UBTD1: variants seen among roughly 807,000 people sequenced by gnomAD.
UBTD1 encodes ubiquitin domain containing 1.
In UBTD1, 19 loss-of-function variants were observed where a neutral mutation model predicts 21.7. The observed-to-expected ratio is 0.87, with a 90% CI of 0.61 to 1.28. The LOEUF is 1.28. UBTD1 is among the 50% of genes most tolerant of loss of function. The pLI is 0.00. For missense variants in UBTD1, 282 were observed against 315.1 expected (o/e 0.89, Z 0.80); for synonymous variants, 116 against 135.1 (o/e 0.86, Z 0.98).
chr10:97,521,689 T>A (rs2040467496), intron 1 of UBTD1, among the ~76,000 whole-genome samples: 1 of 152,184 alleles, frequency 6.6e-6, no homozygotes, highest in African/African-American at 2.4e-5. Context: ...GGGTCCCTGA[T>A]CTCCCTGAAG....
chr10:97,518,317 C>G (rs991352525), intron 1 of UBTD1, among the ~76,000 whole-genome samples: 1 of 152,198 alleles, frequency 6.6e-6, no homozygotes, highest in Non-Finnish European at 1.5e-5. Context: ...CCATCCAGGA[C>G]TGCCTGGCAG....
intron 1 of UBTD1, among the ~76,000 whole-genome samples, chr10:97,539,197 AG>A (rs145867274): frequency 0.032 from 4,943 of 152,156 alleles, 256 homozygotes; most frequent in African/African-American, 0.11. Context: ...GGGTTTCTGG[AG>A]GTGTCAGGAG....
In UBTD1 at chr10:97,570,623, T is replaced by G; in HGVS notation, c.*100T>G. ...GTCATTTTCTTCAGGGGCCCTCCCC[T>G]CGGTGTGGCTGGTGGGTGAGCCGTG... On this transcript the variant is annotated 3_prime_UTR_variant, in exon 3 of 3. Transcript: ENST00000370664. The surrounding 1 kb of genome is among the most constrained non-coding windows in gnomAD (Gnocchi z 6.6). The G allele has an allele frequency of 7.0e-7, 1 of 1,420,650 alleles. No individual in the cohort carries two copies. The highest frequency in any genetic ancestry group is 1.4e-5 in the South Asian group (1 of 73,736). 88.0% of individuals were successfully genotyped at this position (1,420,650 alleles called of 1,614,324 possible). A position where few individuals can be genotyped will look rare whatever the true frequency, so the allele number is the denominator to read the frequency against.
chr10:97,509,021 C>CAG (rs2040410456), intron 1 of UBTD1, among the ~76,000 whole-genome samples: 1 of 152,336 alleles, frequency 6.6e-6, no homozygotes, highest in East Asian at 1.9e-4. Flanking sequence ...AAAAGAGGCA[C>CAG]AGAGAGTCAT....
At chr10:97,534,355 A>G (rs968291006) in intron 1 of UBTD1, among the ~76,000 whole-genome samples, 12 of 152,202 alleles carry the variant, frequency 7.9e-5, no homozygotes, top group Admixed American at 2.0e-4. Context: ...TTGTGGTACA[A>G]TTCGCACAAA....
intron 1 of UBTD1, among the ~76,000 whole-genome samples, chr10:97,528,380 C>T (rs1324011240): frequency 5.4e-5 from 5 of 92,930 alleles, no homozygotes; most frequent in Admixed American, 9.7e-5. Context: ...CCGGACAGGG[C>T]GGCTGGCCGG....
At chr10:97,512,323 A>G (rs938967841) in intron 1 of UBTD1, among the ~76,000 whole-genome samples, 5 of 152,180 alleles carry the variant, frequency 3.3e-5, no homozygotes, top group Non-Finnish European at 7.3e-5. Context: ...TTTACACCCC[A>G]GGCTGACTCC....
At chr10:97,564,401 C>A (rs148669874) in intron 1 of UBTD1, among the ~76,000 whole-genome samples, 2 of 152,142 alleles carry the variant, frequency 1.3e-5, no homozygotes, top group Non-Finnish European at 2.9e-5. Context: ...TTACAGAATC[C>A]CGTTCCCTTT....
chr10:97,532,888 C>T (rs1368890561), intron 1 of UBTD1, among the ~76,000 whole-genome samples: 1 of 152,152 alleles, frequency 6.6e-6, no homozygotes. Context: ...CTCTTATTTC[C>T]GGTGTGTCTC....
chr10:97,505,039 C>T (rs1184156538), intron 1 of UBTD1, among the ~76,000 whole-genome samples: 5 of 152,086 alleles, frequency 3.3e-5, no homozygotes, highest in Non-Finnish European at 5.9e-5. Context: ...TCAGAGTGGA[C>T]CCCCCTCTTC....
intron 1 of UBTD1, among the ~76,000 whole-genome samples, chr10:97,523,483 T>A (rs1328264177): frequency 1.3e-5 from 2 of 152,064 alleles, no homozygotes; most frequent in Non-Finnish European, 2.9e-5. Context: ...ATGAGAATCC[T>A]CTTCTGCTTG....
intron 1 of UBTD1, among the ~76,000 whole-genome samples, chr10:97,525,611 C>T (rs2040485021): frequency 6.6e-6 from 1 of 152,172 alleles, no homozygotes; most frequent in Non-Finnish European, 1.5e-5. Flanking sequence ...GCTCACTTCT[C>T]CCTCCACTGG....
At position 97,570,233 on chromosome 10, in the gene UBTD1, G is replaced by A; in HGVS notation, c.394G>A (p.Glu132Lys). 1 of 1,613,190 alleles carries A rather than the reference G, an allele frequency of 6.2e-7. No homozygotes were observed. The highest frequency in any genetic ancestry group is 8.5e-7 in the Non-Finnish European group (1 of 1,179,980). Residue 132 changes from glutamate to lysine, a missense_variant, in exon 3 of 3, where the codon GAG becomes AAG. Transcript: ENST00000370664. This position sits in a 1 kb window ranked among gnomAD's most constrained non-coding sequence, Gnocchi z 6.6. ...PPVNLLLEHTEEESLEPPEPP... is the reference protein window; with the variant it reads ...PPVNLLLEHTKEESLEPPEPP... The stretch of plus-strand genomic sequence containing the variant: ...GGTGAACCTGCTGCTGGAGCACACG[G>A]AGGAGGAGAGCCTGGAGCCCCCCGA...
At chr10:97,507,029 G>A (rs1481188558) in intron 1 of UBTD1, among the ~76,000 whole-genome samples, 1 of 152,144 alleles carries the variant, frequency 6.6e-6, no homozygotes, top group African/African-American at 2.4e-5. Flanking sequence ...CAGTTATTTT[G>A]TGTATATACC....
At position 97,499,614 on chromosome 10, in the gene UBTD1, G is replaced by T. The variant is rs565973460; in HGVS notation, c.70+341G>T. Among the ~76,000 whole-genome samples the T allele has an allele frequency of 2.6e-5, 4 of 152,266 alleles. No individual in the cohort carries two copies. In the East Asian group the frequency reaches 7.7e-4, roughly 29 times the overall value. On this transcript the variant is annotated intron_variant, in intron 1 of 2. Coordinates refer to ENST00000370664, the MANE Select transcript of UBTD1 (RefSeq NM_024954.5). ...CGCTGGCCTGGCAGCTCCGGCCGGG[G>T]TCGGACGCCGGCCCGTCGGGGCACG... is the stretch of plus-strand genomic sequence containing the variant.
intron 1 of UBTD1, among the ~76,000 whole-genome samples, chr10:97,535,924 AT>A (rs1276326362): frequency 3.3e-5 from 5 of 150,926 alleles, no homozygotes; most frequent in Admixed American, 3.3e-4. Context: ...TCTCAAAAAA[AT>A]AAAATAAAAA....
intron 1 of UBTD1, among the ~76,000 whole-genome samples, chr10:97,564,482 A>G (rs2040708362): frequency 6.6e-6 from 1 of 152,166 alleles, no homozygotes; most frequent in African/African-American, 2.4e-5. Flanking sequence ...AATAGGAAAC[A>G]TTTGCCATCT....
At chr10:97,500,332 T>TG (rs1809018662) in intron 1 of UBTD1, among the ~76,000 whole-genome samples, 1 of 152,228 alleles carries the variant, frequency 6.6e-6, no homozygotes, top group Non-Finnish European at 1.5e-5. Flanking sequence ...GAAGGTGTGT[T>TG]GCTTGGGTTG....
intron 1 of UBTD1, among the ~76,000 whole-genome samples, chr10:97,562,774 C>T (rs926431615): frequency 6.6e-6 from 1 of 152,084 alleles, no homozygotes; most frequent in African/African-American, 2.4e-5. Context: ...ATCTTCAGTT[C>T]CTTCAGGCCA....
Sources: gnomAD v4.1 joint callset for allele counts (sites outside exome capture counted in the v4.1 genomes callset) on GRCh38, gnomAD v4.1.1 for gene constraint, Gnocchi (gnomAD v3.1) non-coding constraint, MANE v1.5 for transcripts, NCBI Gene and HGNC (gene_info 2026-07-23, HGNC 2026-07-21) for gene names.